The following CTNND2 variants were observed in gnomAD, a reference collection of about 807,000 sequenced individuals.
CTNND2 encodes the protein catenin delta-2.
A neutral mutation model predicts 144.4 loss-of-function variants in CTNND2; 22 were observed. The observed-to-expected ratio is 0.15, with a 90% CI of 0.11 to 0.22. CTNND2 has a LOEUF of 0.22. Among genes scored for constraint, CTNND2 ranks in the 10% least tolerant of loss-of-function variants. The pLI, the probability that CTNND2 is intolerant of heterozygous loss-of-function variation, is 1.00. For synonymous variants in CTNND2, 751 were observed against 695.6 expected (o/e 1.08, Z -1.25); for missense variants, 1,353 against 1,618.8 (o/e 0.84, Z 2.82).
intron 2 of CTNND2, among the ~76,000 whole-genome samples, chr5:11,580,809 C>T (rs544202877): frequency 6.6e-6 from 1 of 152,118 alleles, no homozygotes; most frequent in African/African-American, 2.4e-5. Flanking sequence ...TTTACCAAAG[C>T]GTGAGACTGA....
chr5:11,234,910 C>T (rs373364064), intron 10 of CTNND2, among the ~76,000 whole-genome samples: 28 of 152,306 alleles, frequency 1.8e-4, no homozygotes, highest in East Asian at 1.5e-3. Context: ...GTACAAGGCC[C>T]AGTCTGCATG....
At chr5:11,029,683 G>A (rs904267289) in intron 16 of CTNND2, among the ~76,000 whole-genome samples, 2 of 152,118 alleles carry the variant, frequency 1.3e-5, no homozygotes, top group African/African-American at 4.8e-5. Flanking sequence ...CTTTAATTAT[G>A]TAGAAAAAAA....
chr5:11,473,787 T>C (rs1220217490), intron 3 of CTNND2, among the ~76,000 whole-genome samples: 2 of 152,230 alleles, frequency 1.3e-5, no homozygotes, highest in African/African-American at 4.8e-5. Flanking sequence ...GGATAGAATC[T>C]GAGACCAGAG....
Position 11,419,647 on chromosome 5 carries a change from T to C in CTNND2, c.288-7578A>G, listed in dbSNP as rs1360480051. ...ACTGGTGTAAACCCAAAGACAACCT[T>C]TGAGTTCCTTCACAAGTGATTTCCA... On this transcript the variant is annotated intron_variant, in intron 3 of 21. Coordinates refer to ENST00000304623, the MANE Select transcript of CTNND2 (RefSeq NM_001332.4). Among the ~76,000 whole-genome samples, 5 of 152,202 alleles carry C rather than the reference T, an allele frequency of 3.3e-5. No homozygotes were observed. In the East Asian group the frequency reaches 7.7e-4, roughly 23 times the overall value.
intron 2 of CTNND2, among the ~76,000 whole-genome samples, chr5:11,670,108 TGAG>T (rs1783804576): frequency 6.6e-6 from 1 of 152,240 alleles, no homozygotes; most frequent in South Asian, 2.1e-4. Flanking sequence ...CACTGCGGTC[TGAG>T]TAACAGTTTG....
In CTNND2 at chr5:11,314,112, C is replaced by T. The variant is rs149266671; in HGVS notation, c.1628+32260G>A. 5.2e-3 allele frequency among the ~76,000 whole-genome samples: 799 copies of T among 152,228 alleles called. 4 individuals carry two copies. The highest frequency in any genetic ancestry group is 0.018 in the African/African-American group (737 of 41,532). ...CAAGCCACCAGCCCCTTTCTGGGAC[C>T]TCTGATAGCTTGGTACCTATCCAAC... is the stretch of plus-strand genomic sequence containing the variant. On this transcript the variant is annotated intron_variant, in intron 9 of 21. Coordinates refer to ENST00000304623, the MANE Select transcript of CTNND2 (RefSeq NM_001332.4).
intron 9 of CTNND2, among the ~76,000 whole-genome samples, chr5:11,280,606 A>C (rs1747015881): frequency 6.6e-6 from 1 of 152,162 alleles, no homozygotes. Context: ...TCTTCAAAGG[A>C]CCTACCTCCA....
intron 14 of CTNND2, among the ~76,000 whole-genome samples, chr5:11,101,913 G>T (rs1297764394): frequency 6.6e-6 from 1 of 151,906 alleles, no homozygotes; most frequent in Non-Finnish European, 1.5e-5. Flanking sequence ...GTGTGTGTGT[G>T]TGTGTGTGTG....
chr5:11,564,406 T>C (rs957323797), intron 3 of CTNND2, among the ~76,000 whole-genome samples: 1 of 152,232 alleles, frequency 6.6e-6, no homozygotes. Context: ...CTTTAAAAAA[T>C]ATATATTTCA....
At chr5:11,511,445 G>T (rs1771635786) in intron 3 of CTNND2, among the ~76,000 whole-genome samples, 1 of 152,062 alleles carries the variant, frequency 6.6e-6, no homozygotes, top group Non-Finnish European at 1.5e-5. Context: ...GGTTGTGTGT[G>T]GCCAAGGTTA....
At chr5:11,639,182 G>T (rs1781864841) in intron 2 of CTNND2, among the ~76,000 whole-genome samples, 1 of 152,116 alleles carries the variant, frequency 6.6e-6, no homozygotes, top group South Asian at 2.1e-4. Context: ...AGGGCAGAAA[G>T]GCTGCTAAAT....
intron 3 of CTNND2, among the ~76,000 whole-genome samples, chr5:11,517,636 A>T (rs941680139): frequency 2.6e-5 from 4 of 151,442 alleles, no homozygotes; most frequent in African/African-American, 9.7e-5. Context: ...GTAGGGGGCA[A>T]GGGGAGGGAG....
Position 11,730,045 on chromosome 5 carries a change from G to A in CTNND2, c.174+2091C>T, listed in dbSNP as rs150648026. On this transcript the variant is annotated intron_variant, in intron 2 of 21. Transcript: ENST00000304623. The stretch of plus-strand genomic sequence containing the variant: ...TTTCTCTTTTTCTCACCAACATTAG[G>A]AAGTCTTCATATATTAATTTTATCA... Among the ~76,000 whole-genome samples, 833 of 152,158 alleles carry A rather than the reference G, an allele frequency of 5.5e-3. 15 individuals are homozygous for A. Among genetic ancestry groups the A allele is most frequent in the African/African-American group, 0.018 (729 of 41,504 alleles).
At chr5:11,773,290 A>G (rs1471154656) in intron 1 of CTNND2, among the ~76,000 whole-genome samples, 1 of 152,228 alleles carries the variant, frequency 6.6e-6, no homozygotes, top group Non-Finnish European at 1.5e-5. Flanking sequence ...TGTGCCGTAC[A>G]GGTATTACTA....
At chr5:11,264,663 C>T (rs1326255937) in intron 9 of CTNND2, among the ~76,000 whole-genome samples, 1 of 152,192 alleles carries the variant, frequency 6.6e-6, no homozygotes, top group Non-Finnish European at 1.5e-5. Context: ...GGTGTGGTGG[C>T]TCATGCCTAT....
chr5:11,233,443 G>A (rs764727632), intron 10 of CTNND2, among the ~76,000 whole-genome samples: 5 of 152,172 alleles, frequency 3.3e-5, no homozygotes, highest in Non-Finnish European at 7.3e-5. Flanking sequence ...TGTGAGCAAA[G>A]TCAATATGAA....
chr5:11,338,287 G>A (rs1246405131), intron 9 of CTNND2, among the ~76,000 whole-genome samples: 1 of 152,126 alleles, frequency 6.6e-6, no homozygotes, highest in Non-Finnish European at 1.5e-5. Flanking sequence ...AGAATGCCTG[G>A]AGCCCACTTT....
chr5:11,538,346 G>A lies in CTNND2; in HGVS notation c.287+26598C>T, dbSNP rs577346223. 6.6e-4 allele frequency among the ~76,000 whole-genome samples: 101 copies of A among 152,240 alleles called. 1 individual carries two copies. Among genetic ancestry groups the A allele is most frequent in the Middle Eastern group, 6.8e-3 (2 of 294 alleles). The stretch of plus-strand genomic sequence containing the variant: ...TCTGCTTGTTGTGGAATAATTTTCC[G>A]TCAACAAGTAATGCCCATTAAAAGG... On this transcript the variant is annotated intron_variant, in intron 3 of 21. Coordinates refer to ENST00000304623, the MANE Select transcript of CTNND2 (RefSeq NM_001332.4).
intron 18 of CTNND2, among the ~76,000 whole-genome samples, chr5:10,999,004 A>C (rs1440958999): frequency 6.6e-6 from 1 of 152,198 alleles, no homozygotes; most frequent in African/African-American, 2.4e-5. Context: ...TAGATGCTAG[A>C]GGCTAGGGTG....
Sources: gnomAD v4.1 joint callset for allele counts (sites outside exome capture counted in the v4.1 genomes callset) on GRCh38, gnomAD v4.1.1 for gene constraint, MANE v1.5 for transcripts, NCBI Gene and HGNC (gene_info 2026-07-23, HGNC 2026-07-21) for gene names.